Variants in RANBP10 observed in about 807,000 individuals in gnomAD.
RANBP10 encodes ran-binding protein 10.
Under a neutral mutation model 72.8 loss-of-function variants are expected in RANBP10, and 24 were observed. That is an observed-to-expected ratio of 0.33 (90% confidence interval 0.24 to 0.46). The LOEUF (loss-of-function observed/expected upper bound fraction) is 0.46. Among genes scored for constraint, RANBP10 ranks in the 20% least tolerant of loss-of-function variants. The pLI, the probability that RANBP10 is intolerant of heterozygous loss-of-function variation, is 1.00. For synonymous variants in RANBP10, 310 were observed against 322.3 expected (o/e 0.96, Z 0.41); for missense variants, 679 against 817.5 (o/e 0.83, Z 2.07).
rs1298130355 is a variant in RANBP10, at chr16:67,735,767, G to GA, written c.592-726dup. ...CAAGAGTGAGTCCCTGTCTCAGAAA[G>GA]AAAAAAAAAAAACAAACCAAAAGAT... On this transcript the variant is annotated intron_variant, in intron 5 of 13. Transcript: ENST00000317506. 644 of 132,502 alleles carry GA rather than the reference G, an allele frequency of 4.9e-3. 2 individuals carry two copies. Among genetic ancestry groups the GA allele is most frequent in the Non-Finnish European group, 7.1e-3 (433 of 60,768 alleles). The allele number at this position is 132,502 out of a possible 1,614,324, so 8.2% of individuals were successfully genotyped here.
chr16:67,737,667 A>G (rs2053881073), intron 5 of RANBP10, among the ~76,000 whole-genome samples: 1 of 151,910 alleles, frequency 6.6e-6, no homozygotes, highest in Non-Finnish European at 1.5e-5. Flanking sequence ...TTCAGGAACA[A>G]TTCCCTACAC....
At chr16:67,727,217 C>A in intron 13 of RANBP10, 110 bp downstream of exon 13, 1 of 1,096,492 alleles carries the variant, frequency 9.1e-7, no homozygotes, top group Non-Finnish European at 1.3e-6. Flanking sequence ...TGCTTAAACC[C>A]AGGAGGCAGA....
intron 3 of RANBP10, among the ~76,000 whole-genome samples, chr16:67,766,954 G>C (rs1451538134): frequency 6.6e-6 from 1 of 152,170 alleles, no homozygotes; most frequent in Non-Finnish European, 1.5e-5. Context: ...GATCAGATAT[G>C]GCAGGAAGGA....
Position 67,726,190 on chromosome 16 carries a change from TA to T in RANBP10, c.*237del. The T allele has an allele frequency of 2.0e-6, 1 of 490,826 alleles. No homozygotes were observed. Among genetic ancestry groups the T allele is most frequent in the Non-Finnish European group, 3.6e-6 (1 of 277,600 alleles). The allele number at this position is 490,826 out of a possible 1,614,324, so 30.4% of individuals were successfully genotyped here. A position where few individuals can be genotyped will look rare whatever the true frequency, so the allele number is the denominator to read the frequency against. On this transcript the variant is annotated 3_prime_UTR_variant, in exon 14 of 14. Coordinates refer to ENST00000317506, the MANE Select transcript of RANBP10 (RefSeq NM_020850.3). Reference sequence around the variant, plus strand: ...CAAAATAGAAGGCGCTACATGAGAGTAACCAGCCAATACTGTGTTACAGGCC... The same window carrying T: ...CAAAATAGAAGGCGCTACATGAGAGTACCAGCCAATACTGTGTTACAGGCC...
intron 4 of RANBP10, among the ~76,000 whole-genome samples, chr16:67,742,356 T>C (rs952879318): frequency 6.6e-6 from 1 of 152,164 alleles, no homozygotes; most frequent in Non-Finnish European, 1.5e-5. Context: ...TTTAGATTAA[T>C]ACAACACTGA....
chr16:67,758,964 T>G (rs2054342991), intron 3 of RANBP10, among the ~76,000 whole-genome samples: 1 of 152,218 alleles, frequency 6.6e-6, no homozygotes, highest in South Asian at 2.1e-4. Context: ...AACACGCACT[T>G]GCTGGCCATA....
intron 4 of RANBP10, among the ~76,000 whole-genome samples, chr16:67,740,750 T>C (rs2053953267): frequency 6.6e-6 from 1 of 152,200 alleles, no homozygotes; most frequent in Admixed American, 6.5e-5. Context: ...AGAGATGGTT[T>C]ATATTCTTTG....
Position 67,730,176 on chromosome 16 carries a change from A to C in RANBP10, c.890-130T>G, listed in dbSNP as rs1021824341. 12 of 757,252 alleles carry C rather than the reference A, an allele frequency of 1.6e-5. No individual in the cohort carries two copies. Among genetic ancestry groups the C allele is most frequent in the Non-Finnish European group, 2.6e-5 (12 of 462,584 alleles). 46.9% of individuals were successfully genotyped at this position (757,252 alleles called of 1,614,324 possible). ...CTCGCCAGCTTGAAATGCTCACAGGAGAGGAGGCTGGAGAAAGAACCTGAC... is the reference window on the plus strand; with the variant it reads ...CTCGCCAGCTTGAAATGCTCACAGGCGAGGAGGCTGGAGAAAGAACCTGAC... On this transcript the variant is annotated intron_variant, in intron 7 of 13. Transcript: ENST00000317506. The surrounding 1 kb of genome is among the most constrained non-coding windows in gnomAD (Gnocchi z 4.3).
intron 5 of RANBP10, among the ~76,000 whole-genome samples, chr16:67,737,181 T>C (rs531128333): frequency 1.6e-5 from 2 of 127,744 alleles, no homozygotes; most frequent in Non-Finnish European, 1.6e-5. Flanking sequence ...AGCAGAAAAC[T>C]CCATCCTTTT....
chr16:67,758,583 G>A (rs372954476), intron 3 of RANBP10, among the ~76,000 whole-genome samples: 4 of 152,198 alleles, frequency 2.6e-5, no homozygotes, highest in African/African-American at 9.7e-5. Context: ...GGACTGAATG[G>A]GAACTGGTCT....
intron 2 of RANBP10, among the ~76,000 whole-genome samples, chr16:67,775,338 G>A (rs2054683893): frequency 6.6e-6 from 1 of 151,960 alleles, no homozygotes; most frequent in South Asian, 2.1e-4. Context: ...AAACCCCACA[G>A]CTAACATCAT....
chr16:67,806,258 C>A (rs772573085), intron 1 of RANBP10, 44 bp downstream of exon 1: 20 of 1,529,826 alleles, frequency 1.3e-5, no homozygotes, highest in Non-Finnish European at 1.7e-5. Flanking sequence ...AGCCACCCCA[C>A]GGACGCTCTA....
intron 5 of RANBP10, among the ~76,000 whole-genome samples, chr16:67,737,027 G>A (rs1431520203): frequency 3.3e-5 from 5 of 152,142 alleles, no homozygotes. Flanking sequence ...CCTGGGTGGA[G>A]GCCCTGCATG....
At chr16:67,789,161 T>C (rs1416537636) in intron 2 of RANBP10, among the ~76,000 whole-genome samples, 1 of 150,450 alleles carries the variant, frequency 6.6e-6, no homozygotes, top group Admixed American at 6.6e-5. Flanking sequence ...AATACAAAAT[T>C]TAGCCAGGTG....
chr16:67,760,755 C>G (rs2054381093), intron 3 of RANBP10, among the ~76,000 whole-genome samples: 1 of 152,184 alleles, frequency 6.6e-6, no homozygotes, highest in Admixed American at 6.5e-5. Context: ...GTATGTCACA[C>G]CGAGCGAACA....
Position 67,730,718 on chromosome 16 carries a change from G to A in RANBP10, c.890-672C>T, listed in dbSNP as rs1158033958. Among the ~76,000 whole-genome samples the A allele has an allele frequency of 6.6e-6, 1 of 152,180 alleles. No individual in the cohort carries two copies. The highest frequency in any genetic ancestry group is 1.5e-5 in the Non-Finnish European group (1 of 68,016). ...CCAAGTCTGGGATCCCTTTCCGTCTGTCTGGCTGAGCACAGCTTCTCTGGG... is the reference window on the plus strand; with the variant it reads ...CCAAGTCTGGGATCCCTTTCCGTCTATCTGGCTGAGCACAGCTTCTCTGGG... On this transcript the variant is annotated intron_variant, in intron 7 of 13. Transcript: ENST00000317506. This position sits in a 1 kb window ranked among gnomAD's most constrained non-coding sequence, Gnocchi z 4.3.
rs1290965212 is a variant in RANBP10 at position 67,723,312 on chromosome 16, A to C, written c.*3116T>G. On this transcript the variant is annotated 3_prime_UTR_variant, in exon 14 of 14. Coordinates refer to ENST00000317506, the MANE Select transcript of RANBP10 (RefSeq NM_020850.3). ...TTACTAATGCAGGAAAACCCAATGC[A>C]AAGAGGAAAATGCCTGAGGCAGCCA... 6.5e-6 allele frequency: 1 copy of C among 152,706 alleles called. No individual in the cohort carries two copies. The highest frequency in any genetic ancestry group is 1.5e-5 in the Non-Finnish European group (1 of 68,072). 9.5% of individuals were successfully genotyped at this position (152,706 alleles called of 1,614,324 possible). A position where few individuals can be genotyped will look rare whatever the true frequency, so the allele number is the denominator to read the frequency against.
At position 67,728,515 on chromosome 16, in the gene RANBP10, T is replaced by C. The variant is rs1443456371; in HGVS notation, c.1353-4A>G. On this transcript the variant is annotated splice_region_variant and splice_polypyrimidine_tract_variant and intron_variant, in intron 10 of 13. Coordinates refer to ENST00000317506, the MANE Select transcript of RANBP10 (RefSeq NM_020850.3). ...CTCCATCTCCATCTCACTGTCGCTG[T>C]GGGGAGGGGTTGAGGTGGGAGTTGG... is the stretch of plus-strand genomic sequence containing the variant. 6.2e-7 allele frequency: 1 copy of C among 1,614,024 alleles called. No homozygotes were observed.
chr16:67,744,822 G>GT lies in RANBP10; in HGVS notation c.401-368dup, dbSNP rs568669076. Among the ~76,000 whole-genome samples the GT allele has an allele frequency of 3.1e-4, 47 of 152,092 alleles. No homozygotes were observed. In the East Asian group the frequency reaches 6.4e-3, roughly 21 times the overall value. On this transcript the variant is annotated intron_variant, in intron 3 of 13. Coordinates refer to ENST00000317506, the MANE Select transcript of RANBP10 (RefSeq NM_020850.3). Reference sequence around the variant, plus strand: ...GTGTATCTGGCAGGTTGTTTAAAATGTTTTTTTTGTTTGTTTGTTTTGAGA... The same window carrying GT: ...GTGTATCTGGCAGGTTGTTTAAAATGTTTTTTTTTGTTTGTTTGTTTTGAGA...
Sources: allele counts gnomAD v4.1 joint callset (sites outside exome capture counted in the v4.1 genomes callset), GRCh38; gene constraint gnomAD v4.1.1; non-coding constraint Gnocchi (gnomAD v3.1); transcripts MANE v1.5; gene names NCBI Gene and HGNC (gene_info 2026-07-23, HGNC 2026-07-21).